ZNF469: variants seen among roughly 807,000 people sequenced by gnomAD.
ZNF469 encodes the protein zinc finger protein 469.
In ZNF469, 1 loss-of-function variant was observed where a neutral mutation model predicts 1.0. That is an observed-to-expected ratio of 1.00 (90% CI 0.35 to 4.73). The LOEUF (loss-of-function observed/expected upper bound fraction) is 4.73, where lower values mean the gene tolerates loss of function less well. ZNF469 is among the 30% of genes most tolerant of loss of function. The pLI is 0.16. For synonymous variants in ZNF469, 2,703 were observed against 2,363.4 expected (o/e 1.14, Z -4.17); for missense variants, 6,100 against 5,356.3 (o/e 1.14, Z -4.33).
chr16:88,428,271 C>G lies in ZNF469; in HGVS notation c.801C>G (p.Ser267Arg). Residue 267 changes from serine to arginine, a missense_variant, in exon 3 of 3, where the codon AGC becomes AGG. Transcript: ENST00000565624. The part of the protein sequence containing the change: ...PIPKGSRPGG[S>R]PRGVSFQFPF... Reference sequence around the variant, plus strand: ...CCAAAGGCAGCAGGCCCGGCGGCAGCCCCAGGGGAGTTTCCTTCCAGTTCC... The same window carrying G: ...CCAAAGGCAGCAGGCCCGGCGGCAGGCCCAGGGGAGTTTCCTTCCAGTTCC... The G allele has an allele frequency of 6.4e-7, 1 of 1,550,402 alleles. No individual in the cohort carries two copies. Among genetic ancestry groups the G allele is most frequent in the Non-Finnish European group, 8.7e-7 (1 of 1,146,950 alleles).
the ZNF469 span, among the ~76,000 whole-genome samples, chr16:88,317,690 T>C: frequency 2.0e-5 from 3 of 152,356 alleles, no homozygotes; most frequent in East Asian, 5.8e-4. Flanking sequence ...CAGCCACAAC[T>C]GTCCTCTCAA....
At chr16:88,227,867 A>G in the ZNF469 span, among the ~76,000 whole-genome samples, 1 of 152,184 alleles carries the variant, frequency 6.6e-6, no homozygotes, top group Admixed American at 6.5e-5. Context: ...CCCGGCACGC[A>G]GGTGTACCCC....
chr16:88,351,323 G>C, the ZNF469 span, among the ~76,000 whole-genome samples: 14 of 152,210 alleles, frequency 9.2e-5, no homozygotes, highest in Non-Finnish European at 1.8e-4. Flanking sequence ...TAAATGCTGG[G>C]AGTTTCTGAG....
At chr16:88,271,709 A>G in the ZNF469 span, among the ~76,000 whole-genome samples, 2 of 151,226 alleles carry the variant, frequency 1.3e-5, no homozygotes, top group African/African-American at 2.4e-5. Flanking sequence ...GGCAGGTCCA[A>G]TGGAGACTAA....
At chr16:88,278,581 T>A in the ZNF469 span, among the ~76,000 whole-genome samples, 2 of 118,686 alleles carry the variant, frequency 1.7e-5, no homozygotes, top group Non-Finnish European at 1.8e-5. Context: ...CATGTAGATA[T>A]CATTAGTGCT....
At chr16:88,199,879 C>T in the ZNF469 span, among the ~76,000 whole-genome samples, 2 of 152,316 alleles carry the variant, frequency 1.3e-5, no homozygotes, top group African/African-American at 2.4e-5. Flanking sequence ...TCTGAGTCCT[C>T]GGCTGTCTTG....
At chr16:88,358,386 C>G in the ZNF469 span, among the ~76,000 whole-genome samples, 2 of 152,180 alleles carry the variant, frequency 1.3e-5, no homozygotes, top group South Asian at 4.1e-4. Flanking sequence ...GGGCTGGGTG[C>G]ATTTCCTGTA....
upstream of ZNF469, among the ~76,000 whole-genome samples, chr16:88,382,809 G>A (rs773338585): frequency 9.2e-5 from 14 of 152,198 alleles, no homozygotes; most frequent in Admixed American, 9.2e-4. Context: ...GTGTGAAGAG[G>A]GGGTTCAGGG....
the ZNF469 span, among the ~76,000 whole-genome samples, chr16:88,260,877 A>T: frequency 1.3e-5 from 2 of 152,056 alleles, no homozygotes; most frequent in Non-Finnish European, 2.9e-5. This position sits in a 1 kb window ranked among gnomAD's most constrained non-coding sequence, Gnocchi z 4.1. Flanking sequence ...GATAAGAGGG[A>T]ACAGAAAGAA....
At chr16:88,301,447 C>T in the ZNF469 span, among the ~76,000 whole-genome samples, 1 of 152,232 alleles carries the variant, frequency 6.6e-6, no homozygotes, top group Admixed American at 6.5e-5. Context: ...AGCCACCGCA[C>T]CCAGTGGCCA....
chr16:88,360,087 C>T, the ZNF469 span, among the ~76,000 whole-genome samples: 1 of 152,226 alleles, frequency 6.6e-6, no homozygotes. Flanking sequence ...AAACTCCTGA[C>T]TGCAGATGCA....
chr16:88,247,464 ATGAATGAG>A, the ZNF469 span, among the ~76,000 whole-genome samples: 1 of 149,548 alleles, frequency 6.7e-6, no homozygotes, highest in African/African-American at 2.5e-5. Context: ...GAGTGAATGA[ATGAATGAG>A]TGAGTGAATG....
rs1473825984 is a variant in ZNF469, at chr16:88,432,118, A to C, written c.4648A>C (p.Ser1550Arg). ...TTTGCCTGGGAAGGGGAGTGGATGT[A>C]GCGTTGCTCTTATGAGTCACCTGTC... ...PSLPGKGSGC[S>R]VALMSHLSED... The change falls in exon 3 of 3, where the codon AGC becomes CGC. Residue 1550 changes from serine (S) to arginine (R), a missense_variant. Transcript: ENST00000565624. 1.3e-6 allele frequency: 2 copies of C among 1,550,424 alleles called. No individual in the cohort carries two copies. Among genetic ancestry groups the C allele is most frequent in the Non-Finnish European group, 1.7e-6 (2 of 1,147,002 alleles).
rs959161969 is a variant in ZNF469, at chr16:88,424,223, A to G, written c.-191-584A>G. Among the ~76,000 whole-genome samples the G allele has an allele frequency of 6.6e-6, 1 of 152,072 alleles. No homozygotes were observed. The highest frequency in any genetic ancestry group is 6.6e-5 in the Admixed American group (1 of 15,258). On this transcript the variant is annotated intron_variant, in intron 1 of 2. Transcript: ENST00000565624. The surrounding 1 kb of genome is among the most constrained non-coding windows in gnomAD (Gnocchi z 4.3). ...AGGACGAGTGGACAGAGAGTGAGAAACCTCTTCACGGAATGTTGTGGGATT... is the reference window on the plus strand; with the variant it reads ...AGGACGAGTGGACAGAGAGTGAGAAGCCTCTTCACGGAATGTTGTGGGATT...
chr16:88,373,159 T>G, the ZNF469 span, among the ~76,000 whole-genome samples: 323 of 152,366 alleles, frequency 2.1e-3, no homozygotes, highest in African/African-American at 7.4e-3. Flanking sequence ...TTGTCACCTC[T>G]GTTTTTCAAA....
the ZNF469 span, among the ~76,000 whole-genome samples, chr16:88,310,708 G>C: frequency 6.6e-6 from 1 of 151,998 alleles, no homozygotes; most frequent in Non-Finnish European, 1.5e-5. Context: ...TCAACCTCCT[G>C]AGTAGGGATT....
Position 88,432,057 on chromosome 16 carries a change from C to T in ZNF469, c.4587C>T (p.Pro1529=). Residue 1529 remains proline, a synonymous_variant, in exon 3 of 3, where the codon CCC becomes CCT. Transcript: ENST00000565624. ...GAAAGGTGCTCAGTAAGACGTGTCC[C>T]CCTGAACGGACAGTGGTTCCCGGCG... ...SGGKVLSKTC[P]PERTVVPGAA... is the part of the protein sequence containing the mutation. 1 of 1,550,554 alleles carries T rather than the reference C, an allele frequency of 6.4e-7. No individual in the cohort carries two copies. Among genetic ancestry groups the T allele is most frequent in the Non-Finnish European group, 8.7e-7 (1 of 1,147,010 alleles).
chr16:88,241,423 G>T, the ZNF469 span, among the ~76,000 whole-genome samples: 1 of 151,936 alleles, frequency 6.6e-6, no homozygotes, highest in South Asian at 2.1e-4. This position sits in a 1 kb window ranked among gnomAD's most constrained non-coding sequence, Gnocchi z 4.8. Flanking sequence ...TAAGGCTCAA[G>T]AGAATAAACC....
the ZNF469 span, among the ~76,000 whole-genome samples, chr16:88,251,290 C>T: frequency 0.021 from 3,222 of 152,298 alleles, 119 homozygotes; most frequent in African/African-American, 0.074. Context: ...ATCATTTGTT[C>T]TTGAGCACGA....
Sources: gnomAD v4.1 joint callset for allele counts (sites outside exome capture counted in the v4.1 genomes callset) on GRCh38, gnomAD v4.1.1 for gene constraint, Gnocchi (gnomAD v3.1) non-coding constraint, MANE v1.5 for transcripts, NCBI Gene and HGNC (gene_info 2026-07-23, HGNC 2026-07-21) for gene names.